TNNI3K: variants seen among roughly 807,000 people sequenced by gnomAD.
TNNI3K encodes the protein TNNI3 interacting kinase.
In TNNI3K, 140 loss-of-function variants were observed where a neutral mutation model predicts 114.5. The observed-to-expected ratio is 1.22, with a 90% CI of 1.07 to 1.41. The LOEUF (loss-of-function observed/expected upper bound fraction) is 1.41, where lower values mean the gene tolerates loss of function less well. Ranked by LOEUF, TNNI3K falls within the 40% of genes most tolerant of loss-of-function variation. TNNI3K has a pLI of 0.00. For missense variants in TNNI3K, 1,125 were observed against 1,007.6 expected, an observed-to-expected ratio of 1.12 and a Z score of -1.58; for synonymous variants, 347 against 347.5, an observed-to-expected ratio of 1.00 and a Z score of 0.02.
At chr1:74,466,744 G>A (rs1225624394) in intron 21 of TNNI3K, among the ~76,000 whole-genome samples, 1 of 152,138 alleles carries the variant, frequency 6.6e-6, no homozygotes, top group African/African-American at 2.4e-5. Flanking sequence ...GTCCAGTAAG[G>A]TCTTCATCAT....
At position 74,415,258 on chromosome 1, in the gene TNNI3K, A is replaced by G. The variant is rs1665062851; in HGVS notation, c.1773-20822A>G. Among the ~76,000 whole-genome samples, 4 of 152,216 alleles carry G rather than the reference A, an allele frequency of 2.6e-5. No individual in the cohort carries two copies. In the South Asian group the frequency reaches 8.3e-4, roughly 32 times the overall value. ...TAGTGAGTCCTTCCCTGACCATTAT[A>G]GGTCAAATAGCCACCCCCACCCTTG... is the stretch of plus-strand genomic sequence containing the variant. On this transcript the variant is annotated intron_variant, in intron 17 of 24. Transcript: ENST00000326637.
chr1:74,410,151 A>G (rs1664813524), intron 17 of TNNI3K, among the ~76,000 whole-genome samples: 1 of 152,212 alleles, frequency 6.6e-6, no homozygotes, highest in Non-Finnish European at 1.5e-5. Flanking sequence ...TAATTCTGAT[A>G]AAATATACAA....
chr1:74,466,603 A>G (rs146137324), intron 21 of TNNI3K, among the ~76,000 whole-genome samples: 2 of 152,224 alleles, frequency 1.3e-5, no homozygotes, highest in African/African-American at 2.4e-5. Context: ...ATATTAGGAA[A>G]GCAAAGTCTT....
At chr1:74,480,194 G>T in intron 21 of TNNI3K, 2 of 717,462 alleles carry the variant, frequency 2.8e-6, no homozygotes, top group South Asian at 1.5e-5. Flanking sequence ...ATCTGGTCCT[G>T]GGAGGAGGGG....
chr1:74,461,179 A>G (rs907942744), intron 20 of TNNI3K, among the ~76,000 whole-genome samples: 10 of 152,190 alleles, frequency 6.6e-5, no homozygotes, highest in African/African-American at 1.9e-4. Context: ...CCCAGAAATA[A>G]TTTAAAAATA....
At chr1:74,435,556 C>G (rs144479379) in intron 17 of TNNI3K, among the ~76,000 whole-genome samples, 356 of 152,110 alleles carry the variant, frequency 2.3e-3, no homozygotes, top group Non-Finnish European at 2.2e-3. Flanking sequence ...TAGTTGGCAT[C>G]ATTTCACAGA....
At chr1:74,254,445 A>G (rs868139584) in intron 4 of TNNI3K, among the ~76,000 whole-genome samples, 32 of 152,104 alleles carry the variant, frequency 2.1e-4, no homozygotes, top group Admixed American at 6.5e-4. Flanking sequence ...TATTTCTGTA[A>G]TCTCCCTTAC....
rs201340993 is a variant in TNNI3K, at chr1:74,492,212, G to C, written c.2297G>C (p.Arg766Pro). 41 of 1,612,732 alleles carry C rather than the reference G, an allele frequency of 2.5e-5. No homozygotes were observed. The highest frequency in any genetic ancestry group is 2.8e-5 in the Non-Finnish European group (33 of 1,179,068). The change falls in exon 23 of 25, where the codon CGT becomes CCT. Residue 766 changes from arginine (R) to proline (P), a missense_variant. Arg to Pro is a moderately radical substitution (Grantham distance 103, BLOSUM62 -2). Transcript: ENST00000326637. Reference protein sequence around the residue: ...GRSHVAALRSRFELEYALNAR... With the variant: ...GRSHVAALRSPFELEYALNAR... ...AGTCATGTGGCAGCATTAAGAAGTCGTTTCGAATTGGAATATGCTCTAAAT... is the reference window on the plus strand; with the variant it reads ...AGTCATGTGGCAGCATTAAGAAGTCCTTTCGAATTGGAATATGCTCTAAAT...
chr1:74,450,262 A>G (rs1196408166), intron 20 of TNNI3K, among the ~76,000 whole-genome samples: 3 of 151,742 alleles, frequency 2.0e-5, no homozygotes, highest in African/African-American at 7.3e-5. Context: ...AGCAGTGTGT[A>G]GAGGGAAATT....
intron 4 of TNNI3K, among the ~76,000 whole-genome samples, chr1:74,255,391 A>G (rs1436675889): frequency 2.0e-5 from 3 of 151,434 alleles, no homozygotes; most frequent in Non-Finnish European, 4.4e-5. Context: ...CTTTCTGAGA[A>G]TGTAACCCCG....
chr1:74,441,284 T>G (rs541054748), intron 20 of TNNI3K, among the ~76,000 whole-genome samples: 3 of 152,272 alleles, frequency 2.0e-5, no homozygotes, highest in African/African-American at 7.2e-5. Flanking sequence ...AATGACCTCA[T>G]TTCTGTCCGG....
At chr1:74,491,039 AGTGGT>A (rs1669045143) in intron 22 of TNNI3K, among the ~76,000 whole-genome samples, 1 of 152,228 alleles carries the variant, frequency 6.6e-6, no homozygotes, top group South Asian at 2.1e-4. Context: ...GAAATGGCAA[AGTGGT>A]ATCCAGTTGT....
At chr1:74,483,394 G>A (rs1570682118) in intron 21 of TNNI3K, 2 of 716,210 alleles carry the variant, frequency 2.8e-6, no homozygotes, top group South Asian at 1.5e-5. Flanking sequence ...AAAGTAGAGG[G>A]CAATGTATAT....
intron 17 of TNNI3K, among the ~76,000 whole-genome samples, chr1:74,387,114 A>G (rs1468589669): frequency 6.6e-6 from 1 of 152,236 alleles, no homozygotes; most frequent in African/African-American, 2.4e-5. Context: ...CTGTAATTGT[A>G]TAATTTCCTA....
rs1659989033 is a variant in TNNI3K at position 74,327,723 on chromosome 1, A to G, written c.445-3727A>G. On this transcript the variant is annotated intron_variant, in intron 5 of 24. Coordinates refer to ENST00000326637, the MANE Select transcript of TNNI3K (RefSeq NM_015978.3). The stretch of plus-strand genomic sequence containing the variant: ...TATATTCTATACATTTAATAATATT[A>G]AACACATATTTAATAATAATATTAA... 2.7e-5 allele frequency among the ~76,000 whole-genome samples: 4 copies of G among 147,258 alleles called. No individual in the cohort carries two copies. The South Asian group carries it at 8.4e-4, about 31-fold the overall frequency.
At chr1:74,447,122 T>A (rs1666733472) in intron 20 of TNNI3K, among the ~76,000 whole-genome samples, 1 of 151,602 alleles carries the variant, frequency 6.6e-6, no homozygotes, top group Non-Finnish European at 1.5e-5. Flanking sequence ...ATCTGTAAAT[T>A]ACTTTGGGCA....
intron 2 of TNNI3K, among the ~76,000 whole-genome samples, chr1:74,242,057 GC>G: frequency 6.6e-6 from 1 of 151,934 alleles, no homozygotes; most frequent in East Asian, 1.9e-4. Flanking sequence ...CACTGTGTTA[GC>G]CAGGATGGTC....
intron 23 of TNNI3K, among the ~76,000 whole-genome samples, chr1:74,536,455 T>C (rs1646661547): frequency 6.6e-6 from 1 of 152,164 alleles, no homozygotes. Context: ...AAAAATTTGT[T>C]TCTGTTCTTA....
intron 4 of TNNI3K, among the ~76,000 whole-genome samples, chr1:74,257,451 T>C (rs1425831321): frequency 6.6e-6 from 1 of 152,106 alleles, no homozygotes; most frequent in Non-Finnish European, 1.5e-5. Flanking sequence ...AATTTTTTAT[T>C]GAAAGCTAGA....
Sources: gnomAD v4.1 joint callset for allele counts (sites outside exome capture counted in the v4.1 genomes callset) on GRCh38, gnomAD v4.1.1 for gene constraint, MANE v1.5 for transcripts, NCBI Gene and HGNC (gene_info 2026-07-23, HGNC 2026-07-21) for gene names.